The following INSR variants were observed in gnomAD, a reference collection of about 807,000 sequenced individuals.
The protein encoded by INSR is insulin receptor.
In INSR, 67 loss-of-function variants were observed where a neutral mutation model predicts 142.6. The observed-to-expected ratio is 0.47, with a 90% confidence interval of 0.39 to 0.58. The LOEUF (loss-of-function observed/expected upper bound fraction) is 0.58, where lower values mean the gene tolerates loss of function less well. INSR is among the 20% of genes least tolerant of loss of function. INSR has a pLI of 0.00. For missense variants in INSR, 1,248 were observed against 1,833.2 expected (o/e 0.68, Z 5.83); for synonymous variants, 756 against 743.1 (o/e 1.02, Z -0.28).
At chr19:7,237,612 G>A (rs895660252) in intron 2 of INSR, among the ~76,000 whole-genome samples, 31 of 151,810 alleles carry the variant, frequency 2.0e-4, no homozygotes, top group African/African-American at 7.5e-4. Flanking sequence ...TCAGGAGATC[G>A]AGACCATCCT....
intron 3 of INSR, among the ~76,000 whole-genome samples, chr19:7,180,118 C>T (rs1469339482): frequency 6.6e-6 from 1 of 152,182 alleles, no homozygotes; most frequent in Non-Finnish European, 1.5e-5. Context: ...CACATGAAAT[C>T]ATCAGAGCTC....
intron 2 of INSR, among the ~76,000 whole-genome samples, chr19:7,259,904 T>C (rs1977007449): frequency 6.6e-6 from 1 of 151,988 alleles, no homozygotes; most frequent in African/African-American, 2.4e-5. Context: ...TTTGAGAGGC[T>C]GAGGTGGGGG....
At chr19:7,273,949 T>C (rs970116644) in intron 1 of INSR, among the ~76,000 whole-genome samples, 1 of 151,852 alleles carries the variant, frequency 6.6e-6, no homozygotes, top group Non-Finnish European at 1.5e-5. Context: ...ACTGAGATCA[T>C]CCCGTCGCAC....
At chr19:7,259,024 C>G (rs1976977397) in intron 2 of INSR, among the ~76,000 whole-genome samples, 1 of 135,622 alleles carries the variant, frequency 7.4e-6, no homozygotes, top group African/African-American at 2.8e-5. Flanking sequence ...TCCTTCCCTC[C>G]TTTCCTTCCC....
At chr19:7,147,289 C>T (rs1370690596) in intron 11 of INSR, among the ~76,000 whole-genome samples, 3 of 152,002 alleles carry the variant, frequency 2.0e-5, no homozygotes, top group Non-Finnish European at 2.9e-5. Context: ...ATTCTTCTGC[C>T]TCAGTCTCCT....
In INSR at chr19:7,182,726, A is replaced by G. The variant is rs572567936; in HGVS notation, c.974+1590T>C. 9.9e-5 allele frequency among the ~76,000 whole-genome samples: 15 copies of G among 152,216 alleles called. No homozygotes were observed. The South Asian group carries it at 1.7e-3, about 17-fold the overall frequency. ...AGTGAGAAAATCAAAGGAGGTTGCT[A>G]TATTTCTCAGGCCATTGTTAAGGTG... On this transcript the variant is annotated intron_variant, in intron 3 of 21. Transcript: ENST00000302850.
chr19:7,215,582 T>A (rs567112590), intron 2 of INSR, among the ~76,000 whole-genome samples: 4 of 61,776 alleles, frequency 6.5e-5, no homozygotes, highest in Admixed American at 1.6e-4. Context: ...TTATTTATTT[T>A]TTTGAGATGG....
chr19:7,274,330 G>A (rs779070979), intron 1 of INSR, among the ~76,000 whole-genome samples: 4 of 151,732 alleles, frequency 2.6e-5, no homozygotes, highest in Non-Finnish European at 5.9e-5. Context: ...CCTGCCCTCT[G>A]CTCACCTCTA....
chr19:7,137,142 T>C (rs1348834498), intron 13 of INSR, among the ~76,000 whole-genome samples: 1 of 152,042 alleles, frequency 6.6e-6, no homozygotes, highest in Non-Finnish European at 1.5e-5. Context: ...TAAAACTTTA[T>C]TTTTATGTGC....
chr19:7,120,560 C>A, intron 20 of INSR, 60 bp downstream of exon 20: 1 of 1,608,272 alleles, frequency 6.2e-7, no homozygotes, highest in Non-Finnish European at 8.5e-7. Context: ...CCGCTCTTGG[C>A]TCTCACTAGC....
rs1974971939 is a variant in INSR, at chr19:7,201,945, G to C, written c.653-17308C>G. On this transcript the variant is annotated intron_variant, in intron 2 of 21. Transcript: ENST00000302850. ...CAAAGTGTTGGGATTACAGGCGTGA[G>C]CCACCGCGCTAGGCCTTCATTCTTA... Among the ~76,000 whole-genome samples the C allele has an allele frequency of 2.0e-5, 3 of 152,228 alleles. No homozygotes were observed. The South Asian group carries it at 6.2e-4, about 32-fold the overall frequency.
chr19:7,198,305 CG>C (rs1237716221), intron 2 of INSR, among the ~76,000 whole-genome samples: 1 of 151,776 alleles, frequency 6.6e-6, no homozygotes, highest in African/African-American at 2.4e-5. Context: ...GACTGGCGCT[CG>C]GGCAGTGGCC....
chr19:7,176,478 G>C (rs1974137852), intron 3 of INSR, among the ~76,000 whole-genome samples: 1 of 152,158 alleles, frequency 6.6e-6, no homozygotes, highest in Non-Finnish European at 1.5e-5. Context: ...GTGCCCACCT[G>C]TAATCCCAGC....
At chr19:7,132,749 G>A (rs1378287257) in intron 13 of INSR, among the ~76,000 whole-genome samples, 1 of 151,740 alleles carries the variant, frequency 6.6e-6, no homozygotes, top group East Asian at 1.9e-4. Context: ...TCACCACCGC[G>A]CCTGCCTAAT....
At chr19:7,279,003 C>G (rs900502467) in intron 1 of INSR, among the ~76,000 whole-genome samples, 1 of 152,090 alleles carries the variant, frequency 6.6e-6, no homozygotes, top group African/African-American at 2.4e-5. Flanking sequence ...GTGGTGCACA[C>G]CTGTAATCCC....
intron 21 of INSR, 42 bp from the exon 22 acceptor site, chr19:7,117,452 C>G: frequency 1.4e-6 from 2 of 1,481,138 alleles, no homozygotes; most frequent in Non-Finnish European, 1.9e-6. Flanking sequence ...TCTGGGGGCC[C>G]TGCCACGCAT....
chr19:7,282,210 C>T (rs533768817), intron 1 of INSR, among the ~76,000 whole-genome samples: 2 of 151,802 alleles, frequency 1.3e-5, no homozygotes, highest in East Asian at 3.9e-4. Context: ...ACTAAAAATA[C>T]AAAAATTAGC....
intron 2 of INSR, among the ~76,000 whole-genome samples, chr19:7,188,272 G>A (rs572363797): frequency 2.0e-5 from 3 of 152,154 alleles, no homozygotes; most frequent in South Asian, 2.1e-4. Flanking sequence ...GGGGCTGGGC[G>A]CGGGGGCTCA....
At chr19:7,224,148 T>G (rs1178229291) in intron 2 of INSR, among the ~76,000 whole-genome samples, 1 of 151,832 alleles carries the variant, frequency 6.6e-6, no homozygotes, top group Non-Finnish European at 1.5e-5. Flanking sequence ...TTCACCACGT[T>G]GGCCAGGATG....
Sources: gnomAD v4.1 joint callset for allele counts (sites outside exome capture counted in the v4.1 genomes callset) on GRCh38, gnomAD v4.1.1 for gene constraint, MANE v1.5 for transcripts, NCBI Gene and HGNC (gene_info 2026-07-23, HGNC 2026-07-21) for gene names.